The following RAB33A variants were observed in gnomAD, a reference collection of about 807,000 sequenced individuals.
RAB33A encodes RAB33A, member RAS oncogene family, also known as ras-related protein Rab-33A.
In RAB33A, 6 loss-of-function variants were observed where a neutral mutation model predicts 12.0. The ratio of observed to expected loss-of-function variants is 0.50; its 90% CI spans 0.27 to 0.99. The LOEUF is 0.99. RAB33A is among the 50% of genes least tolerant of loss of function. The pLI, the probability that RAB33A is intolerant of heterozygous loss-of-function variation, is 0.11. For missense variants in RAB33A, 109 were observed against 192.0 expected (o/e 0.57, Z 2.55); for synonymous variants, 70 against 82.4 (o/e 0.85, Z 0.81).
At chrX:130,118,537 GGTT>G in the RAB33A span, among the ~76,000 whole-genome samples, 19 of 112,774 alleles carry the variant, frequency 1.7e-4, 1 homozygote, top group South Asian at 6.6e-3. Context: ...CGGGGTTGAG[GGTT>G]GTTGTTGTTG....
chrX:130,158,926 T>C, the RAB33A span, among the ~76,000 whole-genome samples: 2 of 110,504 alleles, frequency 1.8e-5, no homozygotes, highest in African/African-American at 3.3e-5. Flanking sequence ...CCCCTTGCTT[T>C]CATAACGTTA....
At chrX:130,172,351 G>A (rs1007176996) in intron 1 of RAB33A, 31 bp downstream of exon 1, 3 of 1,173,169 alleles carry the variant, frequency 2.6e-6, no homozygotes, top group Non-Finnish European at 3.4e-6. Flanking sequence ...CAGGAAGGGT[G>A]GGACCCGGGA....
At chrX:130,142,003 T>G in the RAB33A span, among the ~76,000 whole-genome samples, 1 of 111,931 alleles carries the variant, frequency 8.9e-6, no homozygotes, top group African/African-American at 3.2e-5. Flanking sequence ...GGTTAAGAGC[T>G]TGAGCTTTGG....
At chrX:130,177,768 G>A (rs887964205) in intron 1 of RAB33A, among the ~76,000 whole-genome samples, 2 of 111,112 alleles carry the variant, frequency 1.8e-5, no homozygotes, top group African/African-American at 6.5e-5. Flanking sequence ...GACTTGGGCC[G>A]AGATCTGCAC....
the RAB33A span, among the ~76,000 whole-genome samples, chrX:130,121,233 C>CTTTT: frequency 9.2e-6 from 1 of 108,707 alleles, no homozygotes; most frequent in Non-Finnish European, 1.9e-5. Context: ...TCAATCCTTT[C>CTTTT]TTTTTTTTCT....
At chrX:130,162,096 G>A in the RAB33A span, among the ~76,000 whole-genome samples, 2 of 112,054 alleles carry the variant, frequency 1.8e-5, no homozygotes, top group Non-Finnish European at 3.8e-5. Flanking sequence ...GTTCAGTCAC[G>A]AGAATTTACC....
At chrX:130,117,393 G>C in the RAB33A span, among the ~76,000 whole-genome samples, 1 of 111,516 alleles carries the variant, frequency 9.0e-6, no homozygotes, top group African/African-American at 3.3e-5. Context: ...GCTGTGAGTA[G>C]GTGCTCACCC....
the RAB33A span, among the ~76,000 whole-genome samples, chrX:130,162,765 C>T: frequency 2.7e-5 from 3 of 111,333 alleles, no homozygotes; most frequent in Non-Finnish European, 5.7e-5. Flanking sequence ...GTCAGGGAGT[C>T]GGTGATCAGT....
At chrX:130,120,528 C>G in the RAB33A span, among the ~76,000 whole-genome samples, 10 of 112,288 alleles carry the variant, frequency 8.9e-5, no homozygotes, top group African/African-American at 3.2e-4. Flanking sequence ...GAGCGCCATC[C>G]CCAGAGAGCA....
At chrX:130,146,879 T>C in the RAB33A span, among the ~76,000 whole-genome samples, 7 of 112,395 alleles carry the variant, frequency 6.2e-5, no homozygotes, top group Middle Eastern at 4.6e-3. Context: ...AAAGAAGTGA[T>C]GGCTGGGGGC....
the RAB33A span, among the ~76,000 whole-genome samples, chrX:130,158,244 A>C: frequency 2.7e-5 from 3 of 111,504 alleles, no homozygotes; most frequent in African/African-American, 9.8e-5. Context: ...AGACTGGGCA[A>C]CGAGAGCGAA....
chrX:130,123,689 A>T, the RAB33A span, among the ~76,000 whole-genome samples: 1 of 71,696 alleles, frequency 1.4e-5, no homozygotes, highest in Non-Finnish European at 2.5e-5. Context: ...TGACAGAGGG[A>T]GACTCTGTCT....
chrX:130,165,244 G>C, the RAB33A span, among the ~76,000 whole-genome samples: 1 of 83,301 alleles, frequency 1.2e-5, no homozygotes, highest in Admixed American at 1.5e-4. Flanking sequence ...CTCTAAAAAG[G>C]GGGGTGGGGG....
chrX:130,128,440 C>T, the RAB33A span, among the ~76,000 whole-genome samples: 1 of 111,025 alleles, frequency 9.0e-6, no homozygotes, highest in African/African-American at 3.3e-5. Context: ...GGCGTGGTGG[C>T]GCATGCCTGT....
chrX:130,145,641 A>T, the RAB33A span: 2 of 845,434 alleles, frequency 2.4e-6, no homozygotes, highest in Non-Finnish European at 1.7e-6. Flanking sequence ...AGCTTTAATA[A>T]AACTGTTTCC....
chrX:130,156,572 T>C, the RAB33A span: 2 of 1,209,929 alleles, frequency 1.7e-6, no homozygotes, highest in African/African-American at 1.7e-5. Flanking sequence ...TCTGGAGTTC[T>C]AGAGGAACAT....
chrX:130,184,261 C>T (rs746210187), intron 1 of RAB33A, 24 bp from the exon 2 acceptor site: 17 of 1,179,342 alleles, frequency 1.4e-5, no homozygotes, highest in East Asian at 5.9e-5. Context: ...TCTGACTCCA[C>T]CTTTGGGTTT....
the RAB33A span, among the ~76,000 whole-genome samples, chrX:130,115,683 G>GAGAGA: frequency 1.2e-5 from 1 of 83,138 alleles, no homozygotes; most frequent in Admixed American, 1.3e-4. Context: ...GAGAGAGAGA[G>GAGAGA]GAAGGAAGGA....
the RAB33A span, among the ~76,000 whole-genome samples, chrX:130,112,935 G>T: frequency 9.1e-6 from 1 of 109,623 alleles, no homozygotes; most frequent in Non-Finnish European, 1.9e-5. Context: ...TACATTGTAG[G>T]TGTGTGTATT....
Sources: allele counts gnomAD v4.1 joint callset (sites outside exome capture counted in the v4.1 genomes callset), GRCh38; gene constraint gnomAD v4.1.1; transcripts MANE v1.5; gene names NCBI Gene and HGNC (gene_info 2026-07-23, HGNC 2026-07-21).